Variants in IGF2BP3 observed in about 807,000 individuals in gnomAD.
The protein encoded by IGF2BP3 is insulin-like growth factor 2 mRNA-binding protein 3.
In IGF2BP3, 9 loss-of-function variants were observed where a neutral mutation model predicts 73.8. That is an observed-to-expected ratio of 0.12 (90% CI 0.07 to 0.21). The LOEUF (loss-of-function observed/expected upper bound fraction) is 0.21. IGF2BP3 is among the 10% of genes least tolerant of loss of function. IGF2BP3 has a pLI of 1.00. For missense variants in IGF2BP3, 542 were observed against 714.0 expected, an observed-to-expected ratio of 0.76 and a Z score of 2.75; for synonymous variants, 258 against 256.7, an observed-to-expected ratio of 1.01 and a Z score of -0.05.
chr7:23,387,021 C>T (rs971014431), intron 3 of IGF2BP3, among the ~76,000 whole-genome samples: 1 of 149,206 alleles, frequency 6.7e-6, no homozygotes. Flanking sequence ...GAGCAGAGAT[C>T]ACGTCACTGC....
At chr7:23,320,690 G>A (rs1307233319) in intron 10 of IGF2BP3, among the ~76,000 whole-genome samples, 8 of 146,898 alleles carry the variant, frequency 5.4e-5, no homozygotes, top group Non-Finnish European at 1.2e-4. Flanking sequence ...GTTCATGCCT[G>A]TAATCCCAGC....
chr7:23,353,142 T>C (rs1462648067), intron 5 of IGF2BP3, among the ~76,000 whole-genome samples: 1 of 152,210 alleles, frequency 6.6e-6, no homozygotes, highest in Non-Finnish European at 1.5e-5. Context: ...TCAGATTCTG[T>C]TCCAATGGCC....
chr7:23,398,184 T>C (rs968452683), intron 3 of IGF2BP3, among the ~76,000 whole-genome samples: 3 of 151,860 alleles, frequency 2.0e-5, no homozygotes, highest in Non-Finnish European at 4.4e-5. Flanking sequence ...GTCCTTGCGA[T>C]AGTTTGCTGA....
At position 23,310,970 on chromosome 7, in the gene IGF2BP3, T is replaced by C. The variant is rs866668792; in HGVS notation, c.*1392A>G. 6.6e-6 allele frequency: 1 copy of C among 152,188 alleles called. No individual in the cohort carries two copies. Among genetic ancestry groups the C allele is most frequent in the South Asian group, 2.1e-4 (1 of 4,828 alleles). 9.4% of individuals were successfully genotyped at this position (152,188 alleles called of 1,614,324 possible). A position where few individuals can be genotyped will look rare whatever the true frequency, so the allele number is the denominator to read the frequency against. On this transcript the variant is annotated 3_prime_UTR_variant, in exon 15 of 15. Coordinates refer to ENST00000258729, the MANE Select transcript of IGF2BP3 (RefSeq NM_006547.3). Reference sequence around the variant, plus strand: ...AAGGAGTGAGCAAATGAGTTCGTTATCAAAGGTCATATGTTTTCACAGTCA... The same window carrying C: ...AAGGAGTGAGCAAATGAGTTCGTTACCAAAGGTCATATGTTTTCACAGTCA...
intron 3 of IGF2BP3, among the ~76,000 whole-genome samples, chr7:23,410,199 G>C (rs1265588184): frequency 6.7e-6 from 1 of 150,008 alleles, no homozygotes; most frequent in Non-Finnish European, 1.5e-5. Flanking sequence ...AGATACAAAA[G>C]AAAAAAAAAT....
At position 23,469,895 on chromosome 7, in the gene IGF2BP3, G is replaced by A. The variant is rs1164029659; in HGVS notation, c.175+41C>T. On this transcript the variant is annotated intron_variant, in intron 1 of 14. Coordinates refer to ENST00000258729, the MANE Select transcript of IGF2BP3 (RefSeq NM_006547.3). This position sits in a 1 kb window ranked among gnomAD's most constrained non-coding sequence, Gnocchi z 6.1. ...CGGTGGGCCTGGGCGGGCGGTGCAG[G>A]GCTGGGGCGAGAGCCCGGGTGGGGC... 1.3e-6 allele frequency: 2 copies of A among 1,537,198 alleles called. No homozygotes were observed. The highest frequency in any genetic ancestry group is 2.3e-4 in the Middle Eastern group (1 of 4,336).
chr7:23,444,936 T>C (rs1788025145), intron 2 of IGF2BP3, among the ~76,000 whole-genome samples: 1 of 152,006 alleles, frequency 6.6e-6, no homozygotes, highest in Admixed American at 6.6e-5. Context: ...TAATCAGGTG[T>C]GGTCTCAGCT....
At chr7:23,357,752 TAATA>T (rs1785131138) in intron 5 of IGF2BP3, among the ~76,000 whole-genome samples, 1 of 152,276 alleles carries the variant, frequency 6.6e-6, no homozygotes, top group South Asian at 2.1e-4. Flanking sequence ...ACACATGTAT[TAATA>T]TTTTCTAAAA....
intron 10 of IGF2BP3, among the ~76,000 whole-genome samples, chr7:23,338,772 T>G (rs898493257): frequency 2.0e-5 from 3 of 152,220 alleles, no homozygotes; most frequent in Non-Finnish European, 4.4e-5. Context: ...AAAACATTTT[T>G]TTCCCCTTAA....
intron 6 of IGF2BP3, among the ~76,000 whole-genome samples, chr7:23,348,301 T>C (rs1294298596): frequency 6.6e-6 from 1 of 152,174 alleles, no homozygotes; most frequent in Non-Finnish European, 1.5e-5. Flanking sequence ...GAAAAGCAAG[T>C]GGCCAATAAA....
At chr7:23,468,398 A>G (rs929726649) in intron 2 of IGF2BP3, 84 bp downstream of exon 2, 62 of 1,385,866 alleles carry the variant, frequency 4.5e-5, no homozygotes, top group Non-Finnish European at 6.3e-5. Flanking sequence ...GGTAAGCACC[A>G]GAGGACAAGA....
chr7:23,458,146 T>C (rs553672494), intron 2 of IGF2BP3, among the ~76,000 whole-genome samples: 73 of 152,320 alleles, frequency 4.8e-4, no homozygotes, highest in African/African-American at 1.7e-3. Flanking sequence ...CAGGATCCTA[T>C]GAAGCATCAT....
intron 10 of IGF2BP3, among the ~76,000 whole-genome samples, chr7:23,340,848 TC>T (rs1442885228): frequency 8.6e-5 from 13 of 150,310 alleles, no homozygotes; most frequent in African/African-American, 2.0e-4. Context: ...TTTTTCTTTT[TC>T]TTTTTTTTTT....
At chr7:23,375,762 C>T (rs75733834) in intron 3 of IGF2BP3, among the ~76,000 whole-genome samples, 14,536 of 152,134 alleles carry the variant, frequency 0.096, 751 homozygotes, top group Middle Eastern at 0.2. Flanking sequence ...CCCACTACCC[C>T]TATTTAAAGC....
At chr7:23,374,486 G>A (rs1785655716) in intron 3 of IGF2BP3, among the ~76,000 whole-genome samples, 1 of 152,080 alleles carries the variant, frequency 6.6e-6, no homozygotes, top group Non-Finnish European at 1.5e-5. Flanking sequence ...GACCAGCCTG[G>A]GCAACATAGG....
At chr7:23,359,991 T>C (rs955271575) in intron 5 of IGF2BP3, among the ~76,000 whole-genome samples, 5 of 151,566 alleles carry the variant, frequency 3.3e-5, no homozygotes, top group African/African-American at 1.2e-4. Context: ...ACAGAAGAAA[T>C]ACAGAATGTG....
At chr7:23,345,155 A>C (rs1368170766) in intron 8 of IGF2BP3, among the ~76,000 whole-genome samples, 2 of 152,162 alleles carry the variant, frequency 1.3e-5, no homozygotes, top group African/African-American at 4.8e-5. Context: ...TCAGTTCATC[A>C]ATCTTTTCCC....
At chr7:23,342,258 G>A in intron 9 of IGF2BP3, 69 bp from the exon 10 acceptor site, 9 of 1,543,720 alleles carry the variant, frequency 5.8e-6, no homozygotes, top group Non-Finnish European at 8.0e-6. Flanking sequence ...ATTTTTAAGT[G>A]ACAGTATTCA....
At position 23,329,310 on chromosome 7, in the gene IGF2BP3, C is replaced by G. The variant is rs572266068; in HGVS notation, c.1204-10056G>C. Among the ~76,000 whole-genome samples, 31 of 152,270 alleles carry G rather than the reference C, an allele frequency of 2.0e-4. 1 individual carries two copies. Among genetic ancestry groups the G allele is most frequent in the African/African-American group, 6.7e-4 (28 of 41,550 alleles). On this transcript the variant is annotated intron_variant, in intron 10 of 14. Transcript: ENST00000258729. ...GGATATCTTTTTTCACTCAAACGTC[C>G]CTACTGCATTTTGACAAGAGTATTC... is the stretch of plus-strand genomic sequence containing the variant.
Sources: gnomAD v4.1 joint callset for allele counts (sites outside exome capture counted in the v4.1 genomes callset) on GRCh38, gnomAD v4.1.1 for gene constraint, Gnocchi (gnomAD v3.1) non-coding constraint, MANE v1.5 for transcripts, NCBI Gene and HGNC (gene_info 2026-07-23, HGNC 2026-07-21) for gene names.